GNG2: variants seen among roughly 807,000 people sequenced by gnomAD.
GNG2 encodes guanine nucleotide-binding protein G(I)/G(S)/G(O) subunit gamma-2.
In GNG2, 5 loss-of-function variants were observed where a neutral mutation model predicts 5.5. The observed-to-expected ratio is 0.91, with a 90% confidence interval of 0.48 to 1.92. The LOEUF (loss-of-function observed/expected upper bound fraction) is 1.92, where lower values mean the gene tolerates loss of function less well. GNG2 is among the 30% of genes most tolerant of loss of function. GNG2 has a pLI of 0.01. For missense variants in GNG2, 55 were observed against 88.4 expected (o/e 0.62, Z 1.52); for synonymous variants, 28 against 32.0 (o/e 0.88, Z 0.42).
At chr14:51,837,544 G>A (rs1307376399) in intron 2 of GNG2, among the ~76,000 whole-genome samples, 2 of 151,892 alleles carry the variant, frequency 1.3e-5, no homozygotes, top group Admixed American at 1.3e-4. Context: ...CTACTTGGGA[G>A]GCTGAGGCAG....
At chr14:51,837,515 C>T (rs975959031) in intron 2 of GNG2, among the ~76,000 whole-genome samples, 5 of 151,784 alleles carry the variant, frequency 3.3e-5, no homozygotes, top group African/African-American at 7.3e-5. Flanking sequence ...TGTGTGGGGT[C>T]GCATGCCTGT....
chr14:51,891,119 A>G (rs1269159017), intron 2 of GNG2, among the ~76,000 whole-genome samples: 1 of 152,242 alleles, frequency 6.6e-6, no homozygotes, highest in Non-Finnish European at 1.5e-5. Flanking sequence ...CTCCAGGCCA[A>G]TAAGGGTCTT....
intron 3 of GNG2, among the ~76,000 whole-genome samples, chr14:51,965,189 C>T (rs990937740): frequency 3.9e-5 from 6 of 152,154 alleles, no homozygotes; most frequent in African/African-American, 1.4e-4. Context: ...GTATGTCCCA[C>T]TTGTAGGAAG....
At chr14:51,891,727 G>T (rs79799161) in intron 2 of GNG2, among the ~76,000 whole-genome samples, 4,266 of 152,240 alleles carry the variant, frequency 0.028, 221 homozygotes, top group East Asian at 0.2. Context: ...CATCCAGGTG[G>T]ATGTACATAG....
intron 2 of GNG2, among the ~76,000 whole-genome samples, chr14:51,937,115 C>T (rs186924186): frequency 1.3e-5 from 2 of 152,216 alleles, no homozygotes; most frequent in East Asian, 3.9e-4. Flanking sequence ...TTACATTTTC[C>T]CTCTACTCCT....
At position 51,961,699 on chromosome 14, in the gene GNG2, G is replaced by A. The variant is rs540715274; in HGVS notation, c.88-4860G>A. On this transcript the variant is annotated intron_variant, in intron 3 of 3. Transcript: ENST00000556766. ...GGAGGTGGTATTTCTGCTGACTTCT[G>A]AAGGAAGATGATAAGCCAACCCATT... Among the ~76,000 whole-genome samples the A allele has an allele frequency of 6.6e-5, 10 of 152,290 alleles. 1 individual carries two copies. Among genetic ancestry groups the A allele is most frequent in the Admixed American group, 6.5e-4 (10 of 15,284 alleles).
rs548859929 is a variant in GNG2 at position 51,842,477 on chromosome 14, G to A, written c.64+14670G>A. Among the ~76,000 whole-genome samples, 32 of 152,212 alleles carry A rather than the reference G, an allele frequency of 2.1e-4. No individual in the cohort carries two copies. The South Asian group carries it at 4.8e-3, about 23-fold the overall frequency. On this transcript the variant is annotated intron_variant, in intron 2 of 3. Coordinates refer to the GNG2 transcript ENST00000553432. ...GCAGCAGCCGCAGGGCTCCGCACAC[G>A]CAAACGGAAGTGCTCAGCAGCTGGG...
chr14:51,835,696 C>T (rs1566639144), intron 2 of GNG2, among the ~76,000 whole-genome samples: 1 of 152,172 alleles, frequency 6.6e-6, no homozygotes, highest in Non-Finnish European at 1.5e-5. Context: ...AGAAAAGACC[C>T]AAATTTTTGA....
intron 2 of GNG2, among the ~76,000 whole-genome samples, chr14:51,917,897 G>A (rs963036433): frequency 2.0e-5 from 3 of 151,990 alleles, no homozygotes; most frequent in Admixed American, 1.3e-4. Context: ...ATGGTGGCGG[G>A]CGCCTGTAGT....
chr14:51,831,542 T>A (rs1345313231), intron 2 of GNG2, among the ~76,000 whole-genome samples: 1 of 152,208 alleles, frequency 6.6e-6, no homozygotes, highest in Non-Finnish European at 1.5e-5. Flanking sequence ...GGGAGAACTA[T>A]GGTAATAAAA....
chr14:51,871,433 T>G (rs1883289847), intron 1 of GNG2, among the ~76,000 whole-genome samples: 1 of 151,718 alleles, frequency 6.6e-6, no homozygotes, highest in African/African-American at 2.4e-5. Flanking sequence ...TGTAGGAGAG[T>G]GTAGCAGTTA....
At chr14:51,863,483 C>T (rs1882663148) in intron 1 of GNG2, among the ~76,000 whole-genome samples, 1 of 152,132 alleles carries the variant, frequency 6.6e-6, no homozygotes. Context: ...TTGGTCTTTA[C>T]CACTGCCTCA....
intron 2 of GNG2, among the ~76,000 whole-genome samples, chr14:51,939,618 C>A (rs887690676): frequency 1.3e-5 from 2 of 152,242 alleles, no homozygotes; most frequent in African/African-American, 4.8e-5. Context: ...TGGCAACTTC[C>A]CAGTGAAACC....
At position 51,864,992 on chromosome 14, in the gene GNG2, C is replaced by G. The variant is rs527328533; in HGVS notation, c.-71+4202C>G. Among the ~76,000 whole-genome samples the G allele has an allele frequency of 1.5e-4, 23 of 152,230 alleles. No homozygotes were observed. In the East Asian group the frequency reaches 4.4e-3, roughly 29 times the overall value. On this transcript the variant is annotated intron_variant, in intron 1 of 3. Coordinates refer to ENST00000556766, the MANE Select transcript of GNG2 (RefSeq NM_053064.5). ...ACTCCTAATCCTTAAACTGGTGAGGCAGGGTATGGTGAGGCTGAGGAGAGC... is the reference window on the plus strand; with the variant it reads ...ACTCCTAATCCTTAAACTGGTGAGGGAGGGTATGGTGAGGCTGAGGAGAGC...
intron 2 of GNG2, among the ~76,000 whole-genome samples, chr14:51,883,023 G>GAAAAAAAAA (rs777193660): frequency 1.6e-5 from 2 of 127,214 alleles, no homozygotes; most frequent in Admixed American, 8.1e-5. Flanking sequence ...AAAAAAAAAA[G>GAAAAAAAAA]AAAAAAAAAA....
At chr14:51,852,050 G>A (rs1015802282) in intron 2 of GNG2, among the ~76,000 whole-genome samples, 2 of 152,058 alleles carry the variant, frequency 1.3e-5, no homozygotes, top group Non-Finnish European at 2.9e-5. Flanking sequence ...GAGGGTGTAC[G>A]TAAATATTTT....
chr14:51,846,413 A>G (rs1278076113), intron 2 of GNG2, among the ~76,000 whole-genome samples: 1 of 152,222 alleles, frequency 6.6e-6, no homozygotes, highest in African/African-American at 2.4e-5. Flanking sequence ...AATCAATTTT[A>G]AAAAGACAGG....
intron 2 of GNG2, among the ~76,000 whole-genome samples, chr14:51,901,936 A>C (rs1885589558): frequency 7.1e-6 from 1 of 141,736 alleles, no homozygotes. Context: ...TGATAGCTAC[A>C]TCAACTAAGA....
intron 1 of GNG2, among the ~76,000 whole-genome samples, chr14:51,863,591 G>A (rs1882670304): frequency 6.6e-6 from 1 of 152,110 alleles, no homozygotes; most frequent in Non-Finnish European, 1.5e-5. Context: ...GTGGTAGCGA[G>A]TACATTGATG....
Sources: gnomAD v4.1 joint callset for allele counts (sites outside exome capture counted in the v4.1 genomes callset) on GRCh38, gnomAD v4.1.1 for gene constraint, MANE v1.5 for transcripts, NCBI Gene and HGNC (gene_info 2026-07-23, HGNC 2026-07-21) for gene names.